CBLB: variants seen among roughly 807,000 people sequenced by gnomAD.
CBLB encodes the protein E3 ubiquitin-protein ligase CBL-B.
Under a neutral mutation model 104.9 loss-of-function variants are expected in CBLB, and 31 were observed. That is an observed-to-expected ratio of 0.30 (90% confidence interval 0.22 to 0.40). CBLB has a LOEUF of 0.40. CBLB is among the 10% of genes least tolerant of loss of function. CBLB has a pLI of 1.00. For missense variants in CBLB, 1,062 were observed against 1,214.6 expected, an observed-to-expected ratio of 0.87 and a Z score of 1.87; for synonymous variants, 440 against 422.6, an observed-to-expected ratio of 1.04 and a Z score of -0.51.
At position 105,702,096 on chromosome 3, in the gene CBLB, T is replaced by G. The variant is rs754259722; in HGVS notation, c.1957A>C (p.Lys653Gln). 6.2e-7 allele frequency: 1 copy of G among 1,614,130 alleles called. No individual in the cohort carries two copies. The highest frequency in any genetic ancestry group is 8.5e-7 in the Non-Finnish European group (1 of 1,180,012). The change falls in exon 12 of 19, where the codon AAG (lysine) becomes CAG (glutamine). Residue 653 changes from lysine to glutamine, a missense_variant and splice_region_variant. By Grantham distance (53) the Lys-to-Gln change is moderately conservative (BLOSUM62 1). Coordinates refer to ENST00000394030, the MANE Select transcript of CBLB (RefSeq NM_170662.5). Reference sequence around the variant, plus strand: ...CTTCTGCTTTGCGTATTTCTTACCTTAGCTCCTTCTAAAGGCAAATCATGG... The same window carrying G: ...CTTCTGCTTTGCGTATTTCTTACCTGAGCTCCTTCTAAAGGCAAATCATGG... ...RRHDLPLEGA[K>Q]VFSNGHLGSE...
intron 13 of CBLB, 104 bp from the exon 14 acceptor site, chr3:105,685,570 T>C: frequency 2.2e-6 from 2 of 894,808 alleles, no homozygotes; most frequent in South Asian, 2.8e-5. Context: ...TCACTTATGT[T>C]CATTTTTCAA....
chr3:105,728,531 T>C (rs932239814), intron 9 of CBLB, among the ~76,000 whole-genome samples: 1 of 152,206 alleles, frequency 6.6e-6, no homozygotes, highest in African/African-American at 2.4e-5. Flanking sequence ...GCAGAATCAC[T>C]GCTGCATAAT....
At chr3:105,694,956 A>G (rs533437580) in intron 12 of CBLB, among the ~76,000 whole-genome samples, 1 of 151,992 alleles carries the variant, frequency 6.6e-6, no homozygotes, top group East Asian at 1.9e-4. Context: ...AAGTTTAATA[A>G]AATCCTTTAA....
In CBLB at chr3:105,868,919, A is replaced by G. The variant is rs1706666550; in HGVS notation, c.-198T>C. On this transcript the variant is annotated 5_prime_UTR_variant, in exon 1 of 19. Coordinates refer to ENST00000394030, the MANE Select transcript of CBLB (RefSeq NM_170662.5). The stretch of plus-strand genomic sequence containing the variant: ...TGGAAACGCAACAATTACCGTCAAG[A>G]CAAATCCACACCCGCTCTCCCCTCC... The G allele has an allele frequency of 2.0e-6, 2 of 1,016,290 alleles. No homozygotes were observed. The highest frequency in any genetic ancestry group is 3.7e-5 in the South Asian group (1 of 26,966). The allele number at this position is 1,016,290 out of a possible 1,614,324, so 63.0% of individuals were successfully genotyped here. A position where few individuals can be genotyped will look rare whatever the true frequency, so the allele number is the denominator to read the frequency against.
intron 3 of CBLB, among the ~76,000 whole-genome samples, chr3:105,779,750 A>G (rs1338855645): frequency 6.6e-6 from 1 of 151,878 alleles, no homozygotes; most frequent in Non-Finnish European, 1.5e-5. Flanking sequence ...GTTATCATAG[A>G]AAATACGTTT....
chr3:105,790,932 C>A (rs2081563129), intron 3 of CBLB, among the ~76,000 whole-genome samples: 1 of 152,222 alleles, frequency 6.6e-6, no homozygotes, highest in Non-Finnish European at 1.5e-5. Flanking sequence ...CCCTTCTATC[C>A]ATGCTGCTCA....
intron 3 of CBLB, among the ~76,000 whole-genome samples, chr3:105,821,831 TATTTTC>T: frequency 6.6e-6 from 1 of 152,330 alleles, no homozygotes; most frequent in African/African-American, 2.4e-5. Flanking sequence ...AACAGCTTCT[TATTTTC>T]AAGGTCATGA....
At chr3:105,857,152 G>C (rs1218119420) in intron 2 of CBLB, among the ~76,000 whole-genome samples, 1 of 152,076 alleles carries the variant, frequency 6.6e-6, no homozygotes, top group African/African-American at 2.4e-5. Flanking sequence ...CAAAATTTCT[G>C]TCAGGTATTT....
intron 3 of CBLB, among the ~76,000 whole-genome samples, chr3:105,812,925 C>A (rs1199713164): frequency 6.6e-6 from 1 of 152,062 alleles, no homozygotes; most frequent in Non-Finnish European, 1.5e-5. Context: ...TATCAATTTT[C>A]TTATCTAGGA....
intron 18 of CBLB, among the ~76,000 whole-genome samples, chr3:105,661,935 C>G (rs1196333405): frequency 6.6e-6 from 1 of 152,110 alleles, no homozygotes; most frequent in Non-Finnish European, 1.5e-5. Context: ...GTGCTATACT[C>G]AAATGCTATA....
intron 4 of CBLB, among the ~76,000 whole-genome samples, chr3:105,761,421 T>C (rs1248994605): frequency 1.3e-5 from 2 of 152,180 alleles, no homozygotes; most frequent in Admixed American, 6.5e-5. Context: ...TCCCACATGT[T>C]GTGGGAGGGA....
intron 2 of CBLB, among the ~76,000 whole-genome samples, chr3:105,856,109 T>C (rs1248244640): frequency 6.6e-6 from 1 of 152,070 alleles, no homozygotes; most frequent in Admixed American, 6.5e-5. Context: ...CCCAGCACTT[T>C]GGGAGGCCGA....
In CBLB at chr3:105,658,287, C is replaced by A. The variant is rs886925443; in HGVS notation, c.*683G>T. 2.7e-5 allele frequency: 6 copies of A among 220,288 alleles called. No individual in the cohort carries two copies. The Admixed American group carries it at 2.9e-4, about 11-fold the overall frequency. 13.6% of individuals were successfully genotyped at this position (220,288 alleles called of 1,614,324 possible). A position where few individuals can be genotyped will look rare whatever the true frequency, so the allele number is the denominator to read the frequency against. ...CTCTATGTTATGTGAAAACCCCTTACAAAAGGCAGTTTATTGACAAATAAA... is the reference window on the plus strand; with the variant it reads ...CTCTATGTTATGTGAAAACCCCTTAAAAAAGGCAGTTTATTGACAAATAAA... On this transcript the variant is annotated 3_prime_UTR_variant, in exon 19 of 19. Coordinates refer to ENST00000394030, the MANE Select transcript of CBLB (RefSeq NM_170662.5).
At chr3:105,734,166 G>C (rs1214255552) in intron 8 of CBLB, 26 bp from the exon 9 acceptor site, 2 of 1,611,414 alleles carry the variant, frequency 1.2e-6, no homozygotes, top group Admixed American at 3.3e-5. Context: ...GAGGGAGAAA[G>C]TAATGTTAAT....
intron 3 of CBLB, among the ~76,000 whole-genome samples, chr3:105,838,127 G>A (rs570753874): frequency 4.1e-5 from 6 of 146,792 alleles, no homozygotes; most frequent in African/African-American, 1.3e-4. Flanking sequence ...CTGTCACCCA[G>A]GCTGGAGTGC....
At chr3:105,841,602 G>A (rs902091687) in intron 3 of CBLB, among the ~76,000 whole-genome samples, 7 of 151,532 alleles carry the variant, frequency 4.6e-5, no homozygotes, top group East Asian at 4.0e-4. Flanking sequence ...ACAGGCACCC[G>A]CCACCACGCC....
chr3:105,697,880 G>A (rs1454088453), intron 12 of CBLB, among the ~76,000 whole-genome samples: 1 of 151,970 alleles, frequency 6.6e-6, no homozygotes, highest in African/African-American at 2.4e-5. Flanking sequence ...CTAGAAATAA[G>A]TAGATACATT....
At chr3:105,685,294 T>C (rs2066868104) in intron 14 of CBLB, 26 bp downstream of exon 14, 2 of 1,599,678 alleles carry the variant, frequency 1.3e-6, no homozygotes, top group Admixed American at 1.7e-5. Flanking sequence ...CAGATGTAAG[T>C]GGCAAAAATC....
chr3:105,765,386 G>A (rs781289472), intron 4 of CBLB, among the ~76,000 whole-genome samples: 1 of 152,184 alleles, frequency 6.6e-6, no homozygotes, highest in Non-Finnish European at 1.5e-5. Flanking sequence ...TTTCTACCAT[G>A]TGAGGATATT....
Sources: gnomAD v4.1 joint callset for allele counts (sites outside exome capture counted in the v4.1 genomes callset) on GRCh38, gnomAD v4.1.1 for gene constraint, MANE v1.5 for transcripts, NCBI Gene and HGNC (gene_info 2026-07-23, HGNC 2026-07-21) for gene names.